SHCBP1L: variants seen among roughly 807,000 people sequenced by gnomAD.
SHCBP1L encodes SHC binding and spindle associated 1 like, also known as testicular spindle-associated protein SHCBP1L.
Under a neutral mutation model 62.5 loss-of-function variants are expected in SHCBP1L, and 67 were observed. That is an observed-to-expected ratio of 1.07 (90% confidence interval 0.88 to 1.31). The LOEUF (loss-of-function observed/expected upper bound fraction) is 1.31. SHCBP1L is among the 40% of genes most tolerant of loss of function. The probability of loss-of-function intolerance (pLI) is 0.00; values close to 1 mark genes in which losing one functional copy is unlikely to be tolerated. For synonymous variants in SHCBP1L, 284 were observed against 289.4 expected, an observed-to-expected ratio of 0.98 and a Z score of 0.19; for missense variants, 823 against 809.8, an observed-to-expected ratio of 1.02 and a Z score of -0.20.
chr1:182,900,707 AC>A (rs1228882773), intron 9 of SHCBP1L, among the ~76,000 whole-genome samples: 1 of 152,172 alleles, frequency 6.6e-6, no homozygotes, highest in African/African-American at 2.4e-5. Context: ...CTGGAATTAC[AC>A]GCGTGAGCCA....
rs775348899 is a variant in SHCBP1L, at chr1:182,951,443, C to G, written c.430G>C (p.Gly144Arg). 3 of 1,592,714 alleles carry G rather than the reference C, an allele frequency of 1.9e-6. No individual in the cohort carries two copies. Among genetic ancestry groups the G allele is most frequent in the Admixed American group, 1.7e-5 (1 of 57,824 alleles). Reference sequence around the variant, plus strand: ...TTTAATTTTTCTGATAGGTATTTACCCATAACTTCATCAGCATCTTCTGCC... The same window carrying G: ...TTTAATTTTTCTGATAGGTATTTACGCATAACTTCATCAGCATCTTCTGCC... ...CKAEDADEVM[G>R]KYLSEKLKLK... is the part of the protein sequence containing the mutation. Residue 144 changes from glycine to arginine, a missense_variant, in exon 2 of 10, where the codon GGT becomes CGT. Gly to Arg is a moderately radical substitution (Grantham distance 125). Transcript: ENST00000367547.
At chr1:182,900,358 T>A in intron 9 of SHCBP1L, 124 bp from the exon 10 acceptor site, 2 of 793,212 alleles carry the variant, frequency 2.5e-6, no homozygotes, top group Non-Finnish European at 3.7e-6. Flanking sequence ...CAACCAAGAC[T>A]CTCAATTTTG....
Position 182,953,078 on chromosome 1 carries a change from G to C in SHCBP1L, c.56C>G (p.Pro19Arg), listed in dbSNP as rs780201697. 6.4e-7 allele frequency: 1 copy of C among 1,558,484 alleles called. No individual in the cohort carries two copies. Among genetic ancestry groups the C allele is most frequent in the Non-Finnish European group, 8.6e-7 (1 of 1,158,930 alleles). ...GGCGGACTTCTCGCCTCGCCTGTCC[G>C]GGCTGATGGTGCGGAATGAGTCCGC... ...VPADSFRTISPDRRGEKSASA... is the reference protein window; with the variant it reads ...VPADSFRTISRDRRGEKSASA... Residue 19 changes from proline to arginine, a missense_variant, in exon 1 of 10, where the codon CCG (proline) becomes CGG (arginine). Physicochemically the swap from Pro to Arg is moderately radical, Grantham distance 103. Coordinates refer to ENST00000367547, the MANE Select transcript of SHCBP1L (RefSeq NM_030933.4).
At chr1:182,946,638 G>A (rs966748920) in intron 2 of SHCBP1L, among the ~76,000 whole-genome samples, 7 of 151,988 alleles carry the variant, frequency 4.6e-5, no homozygotes, top group African/African-American at 1.4e-4. Flanking sequence ...TATATCTTTT[G>A]CCAAATTTGG....
chr1:182,915,687 G>C (rs981353448), intron 6 of SHCBP1L, among the ~76,000 whole-genome samples: 28 of 151,582 alleles, frequency 1.8e-4, no homozygotes, highest in Non-Finnish European at 3.2e-4. Flanking sequence ...CCATCTATTA[G>C]GCCACAAAAC....
Position 182,951,399 on chromosome 1 carries a change from A to T in SHCBP1L, c.474T>A (p.Leu158=). ...SEKLKLKDKW[L]GVWKTNPSVF... ...CACTGGGATTAGTCTTCCAGACTCC[A>T]AGCCATTTGTCTTTCAACTTTAATT... is the stretch of plus-strand genomic sequence containing the variant. Residue 158 remains leucine, a synonymous_variant, in exon 2 of 10, where the codon CTT becomes CTA. Coordinates refer to ENST00000367547, the MANE Select transcript of SHCBP1L (RefSeq NM_030933.4). The T allele has an allele frequency of 6.2e-7, 1 of 1,609,866 alleles. No individual in the cohort carries two copies. Among genetic ancestry groups the T allele is most frequent in the Non-Finnish European group, 8.5e-7 (1 of 1,177,594 alleles).
chr1:182,923,084 C>G (rs1180537977), intron 6 of SHCBP1L, among the ~76,000 whole-genome samples: 2 of 152,170 alleles, frequency 1.3e-5, no homozygotes, highest in African/African-American at 4.8e-5. Context: ...AAAAAACCCT[C>G]AGAGGCTATT....
chr1:182,935,152 G>C (rs976517344), intron 5 of SHCBP1L, among the ~76,000 whole-genome samples: 9 of 151,904 alleles, frequency 5.9e-5, no homozygotes, highest in African/African-American at 2.2e-4. Context: ...CTACTTTTTG[G>C]CTATTCTAGG....
intron 5 of SHCBP1L, among the ~76,000 whole-genome samples, 191 bp downstream of exon 5, chr1:182,938,985 A>C (rs2101950553): frequency 6.6e-6 from 1 of 152,352 alleles, no homozygotes; most frequent in South Asian, 2.1e-4. Context: ...GGTCAAAAAA[A>C]ACAATGATTT....
At chr1:182,930,689 G>GTA (rs1235603214) in intron 5 of SHCBP1L, among the ~76,000 whole-genome samples, 1 of 77,430 alleles carries the variant, frequency 1.3e-5, no homozygotes, top group African/African-American at 8.2e-5. Context: ...GTGTGTGTGT[G>GTA]TGTGTGTGTG....
intron 5 of SHCBP1L, among the ~76,000 whole-genome samples, chr1:182,930,012 C>T (rs1218211818): frequency 2.0e-5 from 3 of 152,084 alleles, no homozygotes; most frequent in Non-Finnish European, 4.4e-5. Context: ...CCTCTGCAAC[C>T]ATTGCCTCAG....
chr1:182,932,193 C>T (rs1291210151), intron 5 of SHCBP1L, among the ~76,000 whole-genome samples: 1 of 151,844 alleles, frequency 6.6e-6, no homozygotes, highest in African/African-American at 2.4e-5. Context: ...TATACATTCA[C>T]CTGCTGAAGG....
chr1:182,910,263 A>T (rs534172916), intron 6 of SHCBP1L, among the ~76,000 whole-genome samples: 3 of 152,324 alleles, frequency 2.0e-5, no homozygotes, highest in Admixed American at 6.5e-5. Context: ...AAAATTCAGT[A>T]AACAAGTGTG....
chr1:182,931,978 C>A lies in SHCBP1L; in HGVS notation c.1077-2226G>T, dbSNP rs531290218. 8.4e-3 allele frequency among the ~76,000 whole-genome samples: 837 copies of A among 99,584 alleles called. 8 individuals are homozygous for A. Among genetic ancestry groups the A allele is most frequent in the Non-Finnish European group, 0.012 (673 of 55,676 alleles). The allele number at this position is 99,584 out of a possible 152,430, so 65.3% of individuals were successfully genotyped here. On this transcript the variant is annotated intron_variant, in intron 5 of 9. Transcript: ENST00000367547. ...TTTTTTTTTTTTTTTTTTTTTACTG[C>A]CTCCACAATTTTGTCTTTCCAGAAT... is the stretch of plus-strand genomic sequence containing the variant.
intron 5 of SHCBP1L, among the ~76,000 whole-genome samples, chr1:182,930,725 GTATTTT>G (rs1650968166): frequency 3.6e-5 from 1 of 28,004 alleles, no homozygotes; most frequent in Non-Finnish European, 6.3e-5. Flanking sequence ...ATATATATAT[GTATTTT>G]TTTTTTTTTT....
rs1651753914 is a variant in SHCBP1L at position 182,951,858 on chromosome 1, A to G, written c.406-391T>C. ...GTTTTATCAGATATGTATTTTCTATAAAAGAAAGTCATGCCACCAGGCACG... is the reference window on the plus strand; with the variant it reads ...GTTTTATCAGATATGTATTTTCTATGAAAGAAAGTCATGCCACCAGGCACG... On this transcript the variant is annotated intron_variant, in intron 1 of 9. Transcript: ENST00000367547. 5.2e-5 allele frequency: 17 copies of G among 325,070 alleles called. 1 individual carries two copies. The highest frequency in any genetic ancestry group is 3.8e-4 in the South Asian group (17 of 44,634). The allele number at this position is 325,070 out of a possible 1,614,324, so 20.1% of individuals were successfully genotyped here. A position where few individuals can be genotyped will look rare whatever the true frequency, so the allele number is the denominator to read the frequency against.
At chr1:182,929,108 C>T (rs527525189) in intron 6 of SHCBP1L, among the ~76,000 whole-genome samples, 1 of 152,198 alleles carries the variant, frequency 6.6e-6, no homozygotes, top group South Asian at 2.1e-4. Flanking sequence ...AAAATATTTG[C>T]TCTTTGGCTC....
At chr1:182,916,268 A>C (rs1024442305) in intron 6 of SHCBP1L, among the ~76,000 whole-genome samples, 2 of 152,204 alleles carry the variant, frequency 1.3e-5, no homozygotes, top group African/African-American at 4.8e-5. Flanking sequence ...TGCCTACATT[A>C]AAAAAGAAAG....
intron 6 of SHCBP1L, among the ~76,000 whole-genome samples, chr1:182,923,585 T>C (rs571612195): frequency 6.6e-6 from 1 of 152,224 alleles, no homozygotes; most frequent in South Asian, 2.1e-4. Context: ...TGGTTCAACA[T>C]ACAAAAATCA....
Sources: allele counts gnomAD v4.1 joint callset (sites outside exome capture counted in the v4.1 genomes callset), GRCh38; gene constraint gnomAD v4.1.1; transcripts MANE v1.5; gene names NCBI Gene and HGNC (gene_info 2026-07-23, HGNC 2026-07-21).